SLC30A8: variants seen among roughly 807,000 people sequenced by gnomAD.
SLC30A8 encodes proton-coupled zinc antiporter SLC30A8.
Under a neutral mutation model 36.9 loss-of-function variants are expected in SLC30A8, and 27 were observed. That is an observed-to-expected ratio of 0.73 (90% CI 0.54 to 1.01). The LOEUF is 1.01. SLC30A8 is among the 50% of genes least tolerant of loss of function. The pLI, the probability that SLC30A8 is intolerant of heterozygous loss-of-function variation, is 0.00. For synonymous variants in SLC30A8, 164 were observed against 172.4 expected (o/e 0.95, Z 0.38); for missense variants, 439 against 452.0 (o/e 0.97, Z 0.26).
At chr8:117,046,156 T>C (rs1319356716) in intron 2 of SLC30A8, among the ~76,000 whole-genome samples, 2 of 152,180 alleles carry the variant, frequency 1.3e-5, no homozygotes, top group African/African-American at 4.8e-5. Flanking sequence ...GCTTGAGGCA[T>C]GTTGAGAGAA....
At chr8:117,080,245 A>G (rs1452731972) in intron 2 of SLC30A8, among the ~76,000 whole-genome samples, 1 of 152,222 alleles carries the variant, frequency 6.6e-6, no homozygotes, top group East Asian at 1.9e-4. Context: ...AAAACTGAAT[A>G]TAAGAACAAT....
chr8:117,008,943 C>T (rs1467833964), intron 1 of SLC30A8, among the ~76,000 whole-genome samples: 5 of 152,236 alleles, frequency 3.3e-5, no homozygotes, highest in Admixed American at 6.5e-5. Flanking sequence ...GTTGGGCAAT[C>T]TACCTATTTT....
chr8:117,134,028 G>T (rs1407293413), upstream of SLC30A8, among the ~76,000 whole-genome samples: 2 of 151,920 alleles, frequency 1.3e-5, no homozygotes, highest in Non-Finnish European at 2.9e-5. Flanking sequence ...GATGTGATAG[G>T]AGACCTAATA....
chr8:117,157,476 A>G (rs1243149969), intron 3 of SLC30A8, among the ~76,000 whole-genome samples: 1 of 152,242 alleles, frequency 6.6e-6, no homozygotes, highest in Non-Finnish European at 1.5e-5. Flanking sequence ...AAGATGGAAC[A>G]TAGTGACTCA....
chr8:117,158,401 T>C lies in SLC30A8; in HGVS notation c.572+557T>C, dbSNP rs554000960. On this transcript the variant is annotated intron_variant, in intron 4 of 7. Transcript: ENST00000456015. Reference sequence around the variant, plus strand: ...CCCATTTTACTTTTGCATTTTCTTTTGCAACATTTCCATAAAATGGTCATT... The same window carrying C: ...CCCATTTTACTTTTGCATTTTCTTTCGCAACATTTCCATAAAATGGTCATT... Among the ~76,000 whole-genome samples, 16 of 152,344 alleles carry C rather than the reference T, an allele frequency of 1.1e-4. No individual in the cohort carries two copies. The South Asian group carries it at 3.1e-3, about 30-fold the overall frequency.
chr8:117,050,732 C>T (rs139019219), intron 2 of SLC30A8, among the ~76,000 whole-genome samples: 72 of 152,220 alleles, frequency 4.7e-4, no homozygotes, highest in African/African-American at 1.6e-3. Flanking sequence ...GAGGAATTAA[C>T]AAGGAGCAAA....
At chr8:117,118,423 G>C (rs1440275878) in intron 2 of SLC30A8, among the ~76,000 whole-genome samples, 4 of 151,954 alleles carry the variant, frequency 2.6e-5, no homozygotes, top group Non-Finnish European at 5.9e-5. Context: ...TGGAAGCACA[G>C]ATGACTGATA....
chr8:117,097,418 AAT>A (rs779044998), intron 2 of SLC30A8, among the ~76,000 whole-genome samples: 11 of 89,212 alleles, frequency 1.2e-4, no homozygotes, highest in African/African-American at 4.5e-4. Flanking sequence ...AAAAAAAAAA[AAT>A]ATATATAAAT....
At chr8:117,126,898 C>T (rs140312406) in intron 2 of SLC30A8, among the ~76,000 whole-genome samples, 378 of 152,110 alleles carry the variant, frequency 2.5e-3, no homozygotes, top group Non-Finnish European at 2.8e-3. Flanking sequence ...GATGAGAATG[C>T]AGCATCTGTG....
intron 1 of SLC30A8, among the ~76,000 whole-genome samples, chr8:117,020,859 A>AT (rs1308107140): frequency 3.9e-5 from 6 of 152,208 alleles, no homozygotes; most frequent in Admixed American, 3.9e-4. Flanking sequence ...TTATATGACT[A>AT]TAAAAACCTA....
chr8:117,046,781 C>T (rs1817565427), intron 2 of SLC30A8, among the ~76,000 whole-genome samples: 1 of 152,228 alleles, frequency 6.6e-6, no homozygotes, highest in Admixed American at 6.5e-5. Flanking sequence ...TTCTCAATTT[C>T]CACTCTACGG....
intron 1 of SLC30A8, among the ~76,000 whole-genome samples, chr8:117,143,853 A>C (rs555149699): frequency 2.0e-5 from 3 of 152,166 alleles, no homozygotes; most frequent in South Asian, 4.1e-4. Context: ...CAAAAGTAAA[A>C]ATTGCCCACA....
At chr8:117,086,329 T>C (rs914433236) in intron 2 of SLC30A8, among the ~76,000 whole-genome samples, 2 of 152,090 alleles carry the variant, frequency 1.3e-5, no homozygotes, top group African/African-American at 4.8e-5. Flanking sequence ...AAGAAGGAAA[T>C]TGGAGGACTA....
chr8:117,170,159 G>A (rs1204756246), intron 6 of SLC30A8, among the ~76,000 whole-genome samples: 3 of 152,086 alleles, frequency 2.0e-5, no homozygotes, highest in African/African-American at 7.2e-5. Context: ...GGTCTTGGGT[G>A]TAACTTAGTC....
At chr8:116,983,740 A>G (rs1455548867) in intron 1 of SLC30A8, among the ~76,000 whole-genome samples, 1 of 151,932 alleles carries the variant, frequency 6.6e-6, no homozygotes, top group African/African-American at 2.4e-5. Context: ...GATTCCATGT[A>G]TCATTCACCT....
chr8:116,984,175 T>C (rs957494763), intron 1 of SLC30A8, among the ~76,000 whole-genome samples: 1 of 152,186 alleles, frequency 6.6e-6, no homozygotes, highest in Non-Finnish European at 1.5e-5. Flanking sequence ...TATTCCATGG[T>C]ATGGATGTGT....
chr8:116,981,105 A>G (rs1366721513), intron 1 of SLC30A8, among the ~76,000 whole-genome samples: 1 of 152,188 alleles, frequency 6.6e-6, no homozygotes, highest in East Asian at 1.9e-4. Flanking sequence ...GAGGTGTTAA[A>G]TGGTTGGACT....
At chr8:117,098,112 A>G (rs1819542207) in intron 2 of SLC30A8, among the ~76,000 whole-genome samples, 1 of 144,214 alleles carries the variant, frequency 6.9e-6, no homozygotes, top group Admixed American at 7.4e-5. Flanking sequence ...CGTTCTGTGA[A>G]GCTAAGTAAC....
intron 2 of SLC30A8, among the ~76,000 whole-genome samples, chr8:117,103,987 A>T (rs978340607): frequency 2.6e-5 from 4 of 152,110 alleles, no homozygotes; most frequent in African/African-American, 7.2e-5. Context: ...TGTGGACATC[A>T]TGGGGATCAT....
Sources: allele counts gnomAD v4.1 joint callset (sites outside exome capture counted in the v4.1 genomes callset), GRCh38; gene constraint gnomAD v4.1.1; transcripts MANE v1.5; gene names NCBI Gene and HGNC (gene_info 2026-07-23, HGNC 2026-07-21).